NUDT14: variants seen among roughly 807,000 people sequenced by gnomAD.
NUDT14 encodes uridine diphosphate glucose pyrophosphatase NUDT14.
Under a neutral mutation model 17.5 loss-of-function variants are expected in NUDT14, and 22 were observed. That is an observed-to-expected ratio of 1.26 (90% CI 0.90 to 1.80). The LOEUF (loss-of-function observed/expected upper bound fraction) is 1.80, where lower values mean the gene tolerates loss of function less well. NUDT14 is among the 40% of genes most tolerant of loss of function. The pLI is 0.00. For missense variants in NUDT14, 296 were observed against 295.6 expected, an observed-to-expected ratio of 1.00 and a Z score of -0.01; for synonymous variants, 129 against 125.8, an observed-to-expected ratio of 1.03 and a Z score of -0.17.
At chr14:105,179,542 C>T (rs1391056668) in intron 1 of NUDT14, among the ~76,000 whole-genome samples, 1 of 152,244 alleles carries the variant, frequency 6.6e-6, no homozygotes, top group African/African-American at 2.4e-5. Context: ...TGAGGCTTCA[C>T]GGGGAGTGAG....
chr14:105,176,850 C>T, intron 3 of NUDT14, 79 bp from the exon 4 acceptor site: 1 of 1,563,194 alleles, frequency 6.4e-7, no homozygotes, highest in Non-Finnish European at 8.8e-7. Context: ...AAGCCCCCTC[C>T]CAGGGCCTCA....
chr14:105,173,082 C>A lies in NUDT14; in HGVS notation c.608G>T (p.Gly203Val), dbSNP rs761429354. Residue 203 changes from glycine to valine, a missense_variant, in exon 5 of 5, where the codon GGC becomes GTC. Gly to Val is a moderately radical substitution (Grantham distance 109). Coordinates refer to ENST00000392568, the MANE Select transcript of NUDT14 (RefSeq NM_177533.5). This position sits in a 1 kb window ranked among gnomAD's most constrained non-coding sequence, Gnocchi z 4.7. Reference sequence around the variant, plus strand: ...GAACCATGAGACACCAAAGATGACGCCGAGGGTCTTGGGGATGTCCGGGTC... The same window carrying A: ...GAACCATGAGACACCAAAGATGACGACGAGGGTCTTGGGGATGTCCGGGTC... The part of the protein sequence containing the change: ...ADDPDIPKTL[G>V]VIFGVSWFLS... The A allele has an allele frequency of 3.9e-6, 6 of 1,558,432 alleles. No homozygotes were observed. The South Asian group carries it at 7.3e-5, about 19-fold the overall frequency.
intron 1 of NUDT14, among the ~76,000 whole-genome samples, chr14:105,180,129 G>A (rs988197008): frequency 2.0e-5 from 3 of 152,180 alleles, no homozygotes; most frequent in East Asian, 1.9e-4. Flanking sequence ...GGAGGAAGAC[G>A]GCCCGGGACT....
Position 105,176,601 on chromosome 14 carries a change from T to C in NUDT14, c.361A>G (p.Lys121Glu), listed in dbSNP as rs748716510. 1.2e-6 allele frequency: 2 copies of C among 1,612,502 alleles called. No homozygotes were observed. Among genetic ancestry groups the C allele is most frequent in the Non-Finnish European group, 1.7e-6 (2 of 1,179,916 alleles). The part of the protein sequence containing the change: ...PGLSLEEVAC[K>E]EAWEECGYHL... ...TAGCCACACTCCTCCCAAGCCTCCT[T>C]GCAAGCCACTTCCTCCAGCGAGAGC... Residue 121 changes from lysine (K) to glutamate (E), a missense_variant, in exon 4 of 5, where the codon AAG becomes GAG. By Grantham distance (56) the Lys-to-Glu change is moderately conservative. Transcript: ENST00000392568.
intron 1 of NUDT14, among the ~76,000 whole-genome samples, chr14:105,179,033 A>G (rs1889275487): frequency 6.6e-6 from 1 of 152,132 alleles, no homozygotes; most frequent in South Asian, 2.1e-4. Context: ...GCTCCAGGGA[A>G]GCCCCCTGCC....
At chr14:105,178,682 G>T (rs1196013294) in intron 1 of NUDT14, among the ~76,000 whole-genome samples, 1 of 152,250 alleles carries the variant, frequency 6.6e-6, no homozygotes, top group Non-Finnish European at 1.5e-5. Flanking sequence ...CCCACCGGGG[G>T]CTCTGCCCAG....
At chr14:105,176,905 G>T in intron 3 of NUDT14, 58 bp downstream of exon 3, 1 of 1,579,262 alleles carries the variant, frequency 6.3e-7, no homozygotes, top group African/African-American at 1.3e-5. Context: ...AGACCCTCAG[G>T]ACCACAGGGA....
intron 1 of NUDT14, among the ~76,000 whole-genome samples, chr14:105,179,269 C>T (rs1254976780): frequency 6.6e-6 from 1 of 152,202 alleles, no homozygotes; most frequent in Non-Finnish European, 1.5e-5. Context: ...CGCCTCGGAG[C>T]CACGGGGGTC....
intron 1 of NUDT14, 99 bp from the exon 2 acceptor site, chr14:105,177,834 G>C: frequency 1.7e-6 from 2 of 1,170,160 alleles, no homozygotes. Context: ...TCCTAACCAG[G>C]GAGATCGGCT....
chr14:105,178,300 G>A (rs1028174438), intron 1 of NUDT14, among the ~76,000 whole-genome samples: 25 of 152,062 alleles, frequency 1.6e-4, no homozygotes, highest in African/African-American at 5.1e-4. Context: ...GTAGGAGATC[G>A]CACTGCAGGA....
At chr14:105,179,349 G>A (rs1889281137) in intron 1 of NUDT14, among the ~76,000 whole-genome samples, 1 of 152,202 alleles carries the variant, frequency 6.6e-6, no homozygotes, top group African/African-American at 2.4e-5. Flanking sequence ...GAGGGCTGCA[G>A]CTGCCCCTGG....
chr14:105,179,071 C>T (rs1198658811), intron 1 of NUDT14, among the ~76,000 whole-genome samples: 2 of 152,180 alleles, frequency 1.3e-5, no homozygotes, highest in African/African-American at 2.4e-5. Flanking sequence ...CTGCTGTGCC[C>T]ATGCCCCTTC....
In NUDT14 at chr14:105,173,081, G is replaced by A. The variant is rs200409369; in HGVS notation, c.609C>T (p.Gly203=). 2.6e-6 allele frequency: 4 copies of A among 1,557,224 alleles called. No individual in the cohort carries two copies. The highest frequency in any genetic ancestry group is 2.7e-5 in the African/African-American group (2 of 73,066). The change falls in exon 5 of 5, where the codon GGC becomes GGT. Residue 203 remains glycine, a synonymous_variant. Coordinates refer to ENST00000392568, the MANE Select transcript of NUDT14 (RefSeq NM_177533.5). The surrounding 1 kb of genome is among the most constrained non-coding windows in gnomAD (Gnocchi z 4.7). ...ADDPDIPKTL[G]VIFGVSWFLS... Reference sequence around the variant, plus strand: ...GGAACCATGAGACACCAAAGATGACGCCGAGGGTCTTGGGGATGTCCGGGT... The same window carrying A: ...GGAACCATGAGACACCAAAGATGACACCGAGGGTCTTGGGGATGTCCGGGT...
chr14:105,181,020 G>A lies in NUDT14; in HGVS notation c.81+109C>T, dbSNP rs1038299611. 64 of 286,536 alleles carry A rather than the reference G, an allele frequency of 2.2e-4. No homozygotes were observed. Among genetic ancestry groups the A allele is most frequent in the Non-Finnish European group, 3.0e-4 (57 of 187,166 alleles). The allele number at this position is 286,536 out of a possible 1,614,324, so 17.7% of individuals were successfully genotyped here. On this transcript the variant is annotated intron_variant, in intron 1 of 4. Coordinates refer to ENST00000392568, the MANE Select transcript of NUDT14 (RefSeq NM_177533.5). This position sits in a 1 kb window ranked among gnomAD's most constrained non-coding sequence, Gnocchi z 5.0. Reference sequence around the variant, plus strand: ...CCGCCCGGGAGATCGGCGGGAGGCGGGGGCGGGGCTCCGGGGCGGGGCCGG... The same window carrying A: ...CCGCCCGGGAGATCGGCGGGAGGCGAGGGCGGGGCTCCGGGGCGGGGCCGG...
In NUDT14 at chr14:105,173,124, G is replaced by A; in HGVS notation, c.566C>T (p.Ala189Val). Residue 189 changes from alanine to valine, a missense_variant, in exon 5 of 5, where the codon GCC (alanine) becomes GTC (valine). Ala to Val is a moderately conservative substitution (Grantham distance 64, BLOSUM62 0). Transcript: ENST00000392568. This position sits in a 1 kb window ranked among gnomAD's most constrained non-coding sequence, Gnocchi z 4.7. Reference sequence around the variant, plus strand: ...GTCCGGGTCGTCTGCAAAGGCCTGGGCGCCTTCCAGGGGCAGGTGCACCAC... The same window carrying A: ...GTCCGGGTCGTCTGCAAAGGCCTGGACGCCTTCCAGGGGCAGGTGCACCAC... Reference protein sequence around the residue: ...IEVVHLPLEGAQAFADDPDIP... With the variant: ...IEVVHLPLEGVQAFADDPDIP... 1 of 1,606,468 alleles carries A rather than the reference G, an allele frequency of 6.2e-7. No individual in the cohort carries two copies. The highest frequency in any genetic ancestry group is 8.5e-7 in the Non-Finnish European group (1 of 1,177,144).
chr14:105,178,667 C>T (rs1889267897), intron 1 of NUDT14, among the ~76,000 whole-genome samples: 1 of 152,226 alleles, frequency 6.6e-6, no homozygotes, highest in Admixed American at 6.5e-5. Context: ...GCCAGCTGCT[C>T]ATCCCCCACC....
chr14:105,177,388 G>A (rs1228999545), intron 2 of NUDT14: 5 of 546,448 alleles, frequency 9.2e-6, no homozygotes, highest in South Asian at 4.0e-5. Context: ...GAGCCACGTC[G>A]CCATCCAGCC....
intron 4 of NUDT14, chr14:105,175,626 C>T: frequency 1.4e-6 from 1 of 738,910 alleles, no homozygotes; most frequent in Non-Finnish European, 1.7e-6. Flanking sequence ...TCTCGAACTC[C>T]TGACCTCAGG....
intron 4 of NUDT14, among the ~76,000 whole-genome samples, chr14:105,176,227 C>T (rs1222359009): frequency 6.6e-6 from 1 of 152,180 alleles, no homozygotes; most frequent in Non-Finnish European, 1.5e-5. Flanking sequence ...CACCCCCACC[C>T]CCAGCGCCCG....
Sources: gnomAD v4.1 joint callset for allele counts (sites outside exome capture counted in the v4.1 genomes callset) on GRCh38, gnomAD v4.1.1 for gene constraint, Gnocchi (gnomAD v3.1) non-coding constraint, MANE v1.5 for transcripts, NCBI Gene and HGNC (gene_info 2026-07-23, HGNC 2026-07-21) for gene names.